OTOGL: variants seen among roughly 807,000 people sequenced by gnomAD.
OTOGL encodes the protein otogelin like.
A neutral mutation model predicts 318.5 loss-of-function variants in OTOGL; 285 were observed. That is an observed-to-expected ratio of 0.89 (90% CI 0.81 to 0.99). The LOEUF is 0.99. Among genes scored for constraint, OTOGL ranks in the 50% least tolerant of loss-of-function variants. The pLI, the probability that OTOGL is intolerant of heterozygous loss-of-function variation, is 0.00. For synonymous variants in OTOGL, 987 were observed against 936.5 expected (o/e 1.05, Z -0.99); for missense variants, 2,899 against 2,845.6 (o/e 1.02, Z -0.43).
At chr12:80,345,227 TTA>T (rs1555301373) in intron 44 of OTOGL, among the ~76,000 whole-genome samples, 1 of 137,886 alleles carries the variant, frequency 7.3e-6, no homozygotes. Flanking sequence ...TATATATATA[TTA>T]TATATATATA....
At chr12:80,248,369 A>G (rs1881122666) in intron 11 of OTOGL, among the ~76,000 whole-genome samples, 1 of 143,718 alleles carries the variant, frequency 7.0e-6, no homozygotes, top group South Asian at 2.2e-4. Flanking sequence ...GGTGGTGACA[A>G]AATCTCTCAG....
Position 80,318,573 on chromosome 12 carries a change from C to G in OTOGL, c.3662C>G (p.Ala1221Gly). 7.2e-7 allele frequency: 1 copy of G among 1,381,186 alleles called. No homozygotes were observed. The highest frequency in any genetic ancestry group is 9.4e-7 in the Non-Finnish European group (1 of 1,065,354). 85.6% of individuals were successfully genotyped at this position (1,381,186 alleles called of 1,614,324 possible). ...EGLGEGPYML[A>G]SYGQSGLVLG... ...CTTGGAGAAGGACCATATATGCTGG[C>G]AAGCTATGGGCAGAGTGGCCTTGTT... Residue 1221 changes from alanine (A) to glycine (G), a missense_variant, in exon 33 of 59, where the codon GCA becomes GGA. By Grantham distance (60) the Ala-to-Gly change is moderately conservative. Coordinates refer to ENST00000547103, the MANE Select transcript of OTOGL (RefSeq NM_001378609.3).
At chr12:80,102,971 C>T in intron 1 of OTOGL, 1 of 895,896 alleles carries the variant, frequency 1.1e-6, no homozygotes. Context: ...ATTTGGCTTT[C>T]CGTTCAAGGA....
At chr12:80,192,077 T>C (rs1875736082) in intron 1 of OTOGL, among the ~76,000 whole-genome samples, 1 of 152,222 alleles carries the variant, frequency 6.6e-6, no homozygotes, top group South Asian at 2.1e-4. Flanking sequence ...ACCACTGTTG[T>C]TGTTTTCCTC....
At chr12:80,166,859 A>G (rs1278179654) in intron 1 of OTOGL, among the ~76,000 whole-genome samples, 1 of 152,084 alleles carries the variant, frequency 6.6e-6, no homozygotes, top group African/African-American at 2.4e-5. Flanking sequence ...CGAATTGGAG[A>G]CTTATGGCAA....
chr12:80,148,425 TGTTA>T (rs1872553070), intron 1 of OTOGL, among the ~76,000 whole-genome samples: 1 of 150,200 alleles, frequency 6.7e-6, no homozygotes, highest in South Asian at 2.1e-4. Context: ...AGAGATCCGC[TGTTA>T]GTCTGATGGG....
At chr12:80,249,060 A>G (rs1406657106) in intron 11 of OTOGL, among the ~76,000 whole-genome samples, 2 of 145,860 alleles carry the variant, frequency 1.4e-5, no homozygotes, top group Admixed American at 6.7e-5. Flanking sequence ...CTAGTTATAC[A>G]TTCTTCTAAA....
chr12:80,377,415 C>T (rs1056628985), intron 58 of OTOGL, among the ~76,000 whole-genome samples: 7 of 152,052 alleles, frequency 4.6e-5, no homozygotes, highest in African/African-American at 1.7e-4. Flanking sequence ...GGTTGCAATC[C>T]AGAGGGATAG....
chr12:80,343,509 G>GGTTTTTTTTTTTTTTT lies in OTOGL; in HGVS notation c.5265+1347_5265+1348insGTTTTTTTTTTTTTTT. ...TACATTTTTATTATTTTTTATTCTT[G>GGTTTTTTTTTTTTTTT]TTTTTTTTTTTTTTTTTTTTTTTTT... On this transcript the variant is annotated intron_variant, in intron 44 of 58. Transcript: ENST00000547103. 22 of 35,858 alleles carry GGTTTTTTTTTTTTTTT rather than the reference G, an allele frequency of 6.1e-4. 7 individuals are homozygous for GGTTTTTTTTTTTTTTT. The highest frequency in any genetic ancestry group is 5.5e-4 in the Non-Finnish European group (11 of 19,834). The allele number at this position is 35,858 out of a possible 1,614,324, so 2.2% of individuals were successfully genotyped here.
intron 27 of OTOGL, among the ~76,000 whole-genome samples, chr12:80,297,331 C>CTTTT (rs5799464): frequency 7.1e-6 from 1 of 140,670 alleles, no homozygotes; most frequent in Admixed American, 7.0e-5. Context: ...TTGTATATGT[C>CTTTT]TTTTTTTTTT....
chr12:80,180,907 A>C (rs1221670957), intron 1 of OTOGL, among the ~76,000 whole-genome samples: 1 of 152,208 alleles, frequency 6.6e-6, no homozygotes, highest in Non-Finnish European at 1.5e-5. Flanking sequence ...AGTGTGTCAA[A>C]TGAATGCCCT....
chr12:80,124,756 C>T (rs527851114), intron 1 of OTOGL, among the ~76,000 whole-genome samples: 1 of 151,936 alleles, frequency 6.6e-6, no homozygotes. Context: ...TCCTTCACAT[C>T]CCTTGTAAGT....
At chr12:80,184,288 C>A (rs1401475241) in intron 1 of OTOGL, among the ~76,000 whole-genome samples, 1 of 152,136 alleles carries the variant, frequency 6.6e-6, no homozygotes, top group Non-Finnish European at 1.5e-5. Context: ...TAACTTCTGG[C>A]TATATAAGAA....
intron 30 of OTOGL, among the ~76,000 whole-genome samples, chr12:80,311,703 G>T (rs571786402): frequency 6.6e-6 from 1 of 152,102 alleles, no homozygotes; most frequent in Non-Finnish European, 1.5e-5. Flanking sequence ...CACTGCGCCC[G>T]GCAGATATTT....
intron 1 of OTOGL, among the ~76,000 whole-genome samples, chr12:80,143,394 C>T (rs763773983): frequency 6.6e-6 from 1 of 152,092 alleles, no homozygotes; most frequent in Non-Finnish European, 1.5e-5. Context: ...CCTCAAATCA[C>T]AGCCTAAATG....
intron 15 of OTOGL, 151 bp from the exon 16 acceptor site, chr12:80,254,889 A>T (rs2137515204): frequency 1.6e-6 from 1 of 627,822 alleles, no homozygotes; most frequent in Admixed American, 3.7e-5. Flanking sequence ...TTTAAATACA[A>T]CACAGTAGAT....
chr12:80,287,871 T>A (rs1592660204), intron 26 of OTOGL, among the ~76,000 whole-genome samples: 1 of 152,338 alleles, frequency 6.6e-6, no homozygotes, highest in East Asian at 1.9e-4. Flanking sequence ...TCTGTGTATC[T>A]TAATTGGGGC....
intron 44 of OTOGL, among the ~76,000 whole-genome samples, chr12:80,344,110 G>A (rs1889012000): frequency 6.6e-6 from 1 of 152,146 alleles, no homozygotes; most frequent in Admixed American, 6.5e-5. Flanking sequence ...GTTTTACATG[G>A]AGATTTGGAT....
At chr12:80,361,588 A>T (rs1890242050) in intron 52 of OTOGL, among the ~76,000 whole-genome samples, 1 of 152,196 alleles carries the variant, frequency 6.6e-6, no homozygotes. Context: ...ATGCTAATTT[A>T]CATTCCCACC....
Sources: allele counts gnomAD v4.1 joint callset (sites outside exome capture counted in the v4.1 genomes callset), GRCh38; gene constraint gnomAD v4.1.1; transcripts MANE v1.5; gene names NCBI Gene and HGNC (gene_info 2026-07-23, HGNC 2026-07-21).